TMEM232: variants seen among roughly 807,000 people sequenced by gnomAD.
TMEM232 encodes transmembrane protein 232.
A neutral mutation model predicts 78.8 loss-of-function variants in TMEM232; 80 were observed. That is an observed-to-expected ratio of 1.01 (90% CI 0.85 to 1.22). The LOEUF (loss-of-function observed/expected upper bound fraction) is 1.22. TMEM232 is among the 50% of genes most tolerant of loss of function. The pLI is 0.00. For missense variants in TMEM232, 881 were observed against 742.2 expected, an observed-to-expected ratio of 1.19 and a Z score of -2.17; for synonymous variants, 297 against 254.3, an observed-to-expected ratio of 1.17 and a Z score of -1.60.
chr5:110,737,372 G>C (rs1367543454), intron 1 of TMEM232, among the ~76,000 whole-genome samples: 2 of 152,044 alleles, frequency 1.3e-5, no homozygotes, highest in Non-Finnish European at 2.9e-5. Context: ...ATCCATGCCA[G>C]AAACATGTAA....
rs549361387 is a variant in TMEM232, at chr5:110,391,326, T to TGTGTGTGAGAGAGAGAGAGAGAGAGAGA, written n.391-687_391-686insTCTCTCTCTCTCTCTCTCTCTCACACAC. On this transcript the variant is annotated intron_variant and non_coding_transcript_variant, in intron 3 of 8. Transcript: ENST00000507188. ...GTGTGTGTGTGTGTGTGTGTGTGTGTGAGAGAGAGAGAGAGAGAGAGAAAC... is the reference window on the plus strand; with the variant it reads ...GTGTGTGTGTGTGTGTGTGTGTGTGTGTGTGTGAGAGAGAGAGAGAGAGAGAGAGAGAGAGAGAGAGAGAGAGAGAAAC... 6.6e-4 allele frequency among the ~76,000 whole-genome samples: 93 copies of TGTGTGTGAGAGAGAGAGAGAGAGAGAGA among 139,886 alleles called. 1 individual carries two copies. Among genetic ancestry groups the TGTGTGTGAGAGAGAGAGAGAGAGAGAGA allele is most frequent in the African/African-American group, 2.2e-3 (75 of 34,012 alleles). The allele number at this position is 139,886 out of a possible 152,430, so 91.8% of individuals were successfully genotyped here. A position where few individuals can be genotyped will look rare whatever the true frequency, so the allele number is the denominator to read the frequency against.
Position 110,568,561 on chromosome 5 carries a change from T to A in TMEM232, c.1341A>T (p.Glu447Asp). 6.5e-7 allele frequency: 1 copy of A among 1,549,732 alleles called. No homozygotes were observed. Among genetic ancestry groups the A allele is most frequent in the South Asian group, 1.2e-5 (1 of 83,988 alleles). ...CATCCTGTTCTTCGTCTCCTTGAAG[T>A]TCCCATGAAATTTTCACCAGGTTAT... ...LVYNLVKISW[E>D]LQGDEEQDGL... The change falls in exon 11 of 14, where the codon GAA becomes GAT. Residue 447 changes from glutamate to aspartate, a missense_variant. Coordinates refer to ENST00000455884, the MANE Select transcript of TMEM232 (RefSeq NM_001039763.4).
chr5:110,432,143 G>A (rs182195019), intron 12 of TMEM232, among the ~76,000 whole-genome samples: 18 of 151,674 alleles, frequency 1.2e-4, no homozygotes, highest in Non-Finnish European at 1.5e-5. Context: ...ACTCTTGTGA[G>A]ATACTATATA....
At chr5:110,526,484 G>A (rs78133011) in intron 12 of TMEM232, among the ~76,000 whole-genome samples, 24 of 151,912 alleles carry the variant, frequency 1.6e-4, no homozygotes, top group Admixed American at 3.9e-4. Flanking sequence ...AAATTAAAAT[G>A]CTAAAAATTA....
chr5:110,526,607 G>A (rs1054770106), intron 12 of TMEM232, among the ~76,000 whole-genome samples: 5 of 151,892 alleles, frequency 3.3e-5, no homozygotes, highest in South Asian at 2.1e-4. Flanking sequence ...TACTGGTGAG[G>A]ATATAAACTT....
At chr5:110,699,370 G>A (rs1157225518) in intron 1 of TMEM232, among the ~76,000 whole-genome samples, 1 of 152,052 alleles carries the variant, frequency 6.6e-6, no homozygotes, top group Non-Finnish European at 1.5e-5. Flanking sequence ...CACCTCCTAA[G>A]ACACCAGCTG....
intron 5 of TMEM232, among the ~76,000 whole-genome samples, chr5:110,631,946 G>A (rs143517802): frequency 3.3e-5 from 5 of 151,804 alleles, no homozygotes; most frequent in East Asian, 1.9e-4. Flanking sequence ...GAATTGGCCC[G>A]CCTGGTCCTG....
At chr5:110,417,465 C>G, downstream of TMEM232, among the ~76,000 whole-genome samples, 1 of 152,046 alleles carries the variant, frequency 6.6e-6, no homozygotes, top group South Asian at 2.1e-4. Flanking sequence ...AAAGTGAATA[C>G]TAAACATAAA....
At chr5:110,595,940 T>C (rs534632353) in intron 10 of TMEM232, among the ~76,000 whole-genome samples, 1 of 151,914 alleles carries the variant, frequency 6.6e-6, no homozygotes, top group Admixed American at 6.6e-5. Context: ...ACTAAGATAC[T>C]CCTCGAGAAG....
chr5:110,520,356 A>G (rs992762553), intron 12 of TMEM232, among the ~76,000 whole-genome samples: 32 of 152,102 alleles, frequency 2.1e-4, no homozygotes, highest in African/African-American at 6.8e-4. Context: ...TTCAAAGAGT[A>G]GATCATTCTG....
chr5:110,407,506 C>T (rs1476239753), intron 2 of TMEM232, among the ~76,000 whole-genome samples: 5 of 152,082 alleles, frequency 3.3e-5, no homozygotes, highest in African/African-American at 1.2e-4. Flanking sequence ...ATGCACTCAA[C>T]ACCAAAGATC....
intron 5 of TMEM232, among the ~76,000 whole-genome samples, chr5:110,634,213 T>G (rs1244855581): frequency 6.6e-6 from 1 of 152,094 alleles, no homozygotes; most frequent in Non-Finnish European, 1.5e-5. Flanking sequence ...CTACTAGATC[T>G]AAATAGAAAT....
chr5:110,447,346 G>C (rs1398503703), intron 12 of TMEM232, among the ~76,000 whole-genome samples: 1 of 151,978 alleles, frequency 6.6e-6, no homozygotes, highest in Admixed American at 6.6e-5. Context: ...CAGAGACTAG[G>C]AATCAGGTTA....
intron 8 of TMEM232, among the ~76,000 whole-genome samples, chr5:110,616,462 G>A (rs1023131258): frequency 6.6e-6 from 1 of 151,846 alleles, no homozygotes; most frequent in African/African-American, 2.4e-5. Context: ...CATTAACAAA[G>A]TAAAGAGACA....
intron 1 of TMEM232, among the ~76,000 whole-genome samples, chr5:110,696,296 C>G (rs1177168577): frequency 1.3e-5 from 2 of 152,076 alleles, no homozygotes; most frequent in Admixed American, 6.6e-5. Flanking sequence ...ATTGATGGGA[C>G]GTATCTCAAA....
At chr5:110,669,785 G>C (rs1580595875) in intron 1 of TMEM232, among the ~76,000 whole-genome samples, 3 of 152,254 alleles carry the variant, frequency 2.0e-5, no homozygotes, top group African/African-American at 4.8e-5. Flanking sequence ...TATCCACCAT[G>C]ATCAAGTGGG....
intron 2 of TMEM232, among the ~76,000 whole-genome samples, chr5:110,659,245 T>G (rs1789480363): frequency 6.6e-6 from 1 of 152,074 alleles, no homozygotes; most frequent in African/African-American, 2.4e-5. Context: ...GTATGTAATG[T>G]CTTGCAAGAT....
chr5:110,501,278 G>T (rs1766231143), intron 12 of TMEM232, among the ~76,000 whole-genome samples: 1 of 152,060 alleles, frequency 6.6e-6, no homozygotes, highest in Non-Finnish European at 1.5e-5. Context: ...CTAATCTGAT[G>T]CATTAACCTC....
rs191906476 is a variant in TMEM232, at chr5:110,713,460, G to A, written c.-13+13167C>T. On this transcript the variant is annotated intron_variant, in intron 1 of 13. Coordinates refer to ENST00000455884, the MANE Select transcript of TMEM232 (RefSeq NM_001039763.4). Reference sequence around the variant, plus strand: ...GCTGAGGAGATAGATTCCCCATTTAGCATATTGTGATTATTATGCATTGCA... The same window carrying A: ...GCTGAGGAGATAGATTCCCCATTTAACATATTGTGATTATTATGCATTGCA... 3.8e-4 allele frequency among the ~76,000 whole-genome samples: 57 copies of A among 151,960 alleles called. No homozygotes were observed. The East Asian group carries it at 8.7e-3, about 23-fold the overall frequency.
Sources: allele counts gnomAD v4.1 joint callset (sites outside exome capture counted in the v4.1 genomes callset), GRCh38; gene constraint gnomAD v4.1.1; transcripts MANE v1.5; gene names NCBI Gene and HGNC (gene_info 2026-07-23, HGNC 2026-07-21).